CSMD1: variants seen among roughly 807,000 people sequenced by gnomAD.
CSMD1 encodes the protein CUB and sushi domain-containing protein 1.
A neutral mutation model predicts 417.5 loss-of-function variants in CSMD1; 213 were observed. The ratio of observed to expected loss-of-function variants is 0.51; its 90% CI spans 0.46 to 0.57. The LOEUF (loss-of-function observed/expected upper bound fraction) is 0.57. CSMD1 is among the 20% of genes least tolerant of loss of function. The pLI is 0.00. For synonymous variants in CSMD1, 2,862 were observed against 1,736.8 expected (o/e 1.65, Z -16.11); for missense variants, 6,923 against 4,529.7 (o/e 1.53, Z -15.17).
intron 2 of CSMD1, among the ~76,000 whole-genome samples, chr8:4,460,048 C>G (rs1799715706): frequency 1.3e-5 from 2 of 152,118 alleles, no homozygotes; most frequent in South Asian, 2.1e-4. Context: ...AACATTCCAG[C>G]CAATAACAGA....
intron 1 of CSMD1, among the ~76,000 whole-genome samples, chr8:4,936,128 C>G (rs1003745372): frequency 6.6e-6 from 1 of 152,148 alleles, no homozygotes; most frequent in Non-Finnish European, 1.5e-5. Flanking sequence ...GGTTTCTGTC[C>G]TGTTCCACAT....
intron 1 of CSMD1, among the ~76,000 whole-genome samples, chr8:4,812,352 G>A (rs1003369505): frequency 6.6e-6 from 1 of 152,136 alleles, no homozygotes; most frequent in Non-Finnish European, 1.5e-5. Flanking sequence ...AGTCTTTTTG[G>A]TACAAACATT....
intron 12 of CSMD1, among the ~76,000 whole-genome samples, chr8:3,423,799 A>G (rs927745347): frequency 6.6e-6 from 1 of 152,208 alleles, no homozygotes; most frequent in African/African-American, 2.4e-5. Context: ...TTTTTGGTGA[A>G]TGGGTACTCC....
chr8:3,531,802 C>G (rs1252909320), intron 10 of CSMD1, among the ~76,000 whole-genome samples: 1 of 152,216 alleles, frequency 6.6e-6, no homozygotes, highest in African/African-American at 2.4e-5. Flanking sequence ...AAGCTAGAAG[C>G]TTACACAGGG....
chr8:4,843,012 C>T (rs183916374), intron 1 of CSMD1, among the ~76,000 whole-genome samples: 2 of 152,240 alleles, frequency 1.3e-5, no homozygotes, highest in African/African-American at 4.8e-5. Flanking sequence ...CATGCTACTC[C>T]AGGACTCTAA....
At chr8:3,930,205 T>A (rs1460492309) in intron 5 of CSMD1, among the ~76,000 whole-genome samples, 1 of 150,160 alleles carries the variant, frequency 6.7e-6, no homozygotes, top group Admixed American at 6.6e-5. Context: ...AGATGATGAT[T>A]CTATACGTGA....
intron 3 of CSMD1, among the ~76,000 whole-genome samples, chr8:4,252,639 A>T (rs1803156872): frequency 6.6e-6 from 1 of 152,246 alleles, no homozygotes; most frequent in South Asian, 2.1e-4. Flanking sequence ...TCCAGAAGTA[A>T]CACCCAGTTT....
chr8:3,778,067 G>A (rs377341478), intron 5 of CSMD1, among the ~76,000 whole-genome samples: 1 of 152,044 alleles, frequency 6.6e-6, no homozygotes, highest in Non-Finnish European at 1.5e-5. Context: ...CGTCCCTCCA[G>A]GGGAAACTGG....
At chr8:3,854,791 T>A (rs1421279001) in intron 5 of CSMD1, among the ~76,000 whole-genome samples, 1 of 152,006 alleles carries the variant, frequency 6.6e-6, no homozygotes, top group East Asian at 1.9e-4. Flanking sequence ...TGATCAAAAT[T>A]CATATCGAGC....
intron 2 of CSMD1, among the ~76,000 whole-genome samples, chr8:4,605,509 C>T (rs77238883): frequency 0.078 from 11,876 of 152,086 alleles, 598 homozygotes; most frequent in East Asian, 0.15. Context: ...ACCTAATTGA[C>T]CAGGAAACAG....
At chr8:4,635,353 T>C (rs1285719222) in intron 2 of CSMD1, among the ~76,000 whole-genome samples, 1 of 152,138 alleles carries the variant, frequency 6.6e-6, no homozygotes, top group East Asian at 1.9e-4. Flanking sequence ...TGTTATAATA[T>C]TGAAGATGGT....
intron 1 of CSMD1, among the ~76,000 whole-genome samples, chr8:4,828,491 G>C (rs1207907369): frequency 6.6e-6 from 1 of 152,042 alleles, no homozygotes; most frequent in African/African-American, 2.4e-5. Context: ...TGAGTGTCTT[G>C]GGGTAAGATC....
intron 26 of CSMD1, among the ~76,000 whole-genome samples, chr8:3,258,880 G>C (rs1260265704): frequency 6.6e-6 from 1 of 152,140 alleles, no homozygotes; most frequent in Non-Finnish European, 1.5e-5. Flanking sequence ...TTATAACTGG[G>C]AGCTAAACGA....
intron 10 of CSMD1, among the ~76,000 whole-genome samples, chr8:3,566,760 T>A (rs1298037911): frequency 6.6e-6 from 1 of 152,160 alleles, no homozygotes; most frequent in Non-Finnish European, 1.5e-5. Context: ...ATGGCTATTA[T>A]TAAAAAGTCA....
At chr8:4,074,315 A>G (rs919774229) in intron 3 of CSMD1, among the ~76,000 whole-genome samples, 1 of 152,122 alleles carries the variant, frequency 6.6e-6, no homozygotes, top group Non-Finnish European at 1.5e-5. Flanking sequence ...AATAAAAACT[A>G]TAGATTAACA....
In CSMD1 at chr8:4,134,821, TTGGCC is replaced by T. The variant is rs1803320187; in HGVS notation, c.416-102727_416-102723del. Reference sequence around the variant, plus strand: ...ATTTATTTTAACACAAATTTTGTCCTTGGCCTTGGCTGTTGAAAATCGTTTGATAG... The same window carrying T: ...ATTTATTTTAACACAAATTTTGTCCTTTGGCTGTTGAAAATCGTTTGATAG... On this transcript the variant is annotated intron_variant, in intron 3 of 69. Coordinates refer to ENST00000635120, the MANE Select transcript of CSMD1 (RefSeq NM_033225.6). Among the ~76,000 whole-genome samples, 3 of 152,334 alleles carry T rather than the reference TTGGCC, an allele frequency of 2.0e-5. No homozygotes were observed. The South Asian group carries it at 6.2e-4, about 32-fold the overall frequency.
At chr8:4,925,618 C>T (rs1806808448) in intron 1 of CSMD1, among the ~76,000 whole-genome samples, 1 of 151,374 alleles carries the variant, frequency 6.6e-6, no homozygotes, top group South Asian at 2.1e-4. Flanking sequence ...GCAGTCTCGG[C>T]TCACTGCAAG....
rs143082225 is a variant in CSMD1 at position 4,209,533 on chromosome 8, G to A, written c.416-177434C>T. 3.0e-4 allele frequency among the ~76,000 whole-genome samples: 46 copies of A among 152,262 alleles called. No individual in the cohort carries two copies. The East Asian group carries it at 6.8e-3, about 22-fold the overall frequency. On this transcript the variant is annotated intron_variant, in intron 3 of 69. Transcript: ENST00000635120. ...CTCCTCTCTGGGAAACAGGAGCCGCGTGAGATTCCTTGCTGCCATGCTGCC... is the reference window on the plus strand; with the variant it reads ...CTCCTCTCTGGGAAACAGGAGCCGCATGAGATTCCTTGCTGCCATGCTGCC...
chr8:4,090,818 G>A (rs537935220), intron 3 of CSMD1, among the ~76,000 whole-genome samples: 7 of 152,180 alleles, frequency 4.6e-5, no homozygotes, highest in African/African-American at 1.7e-4. Flanking sequence ...TATTCTTTAA[G>A]TCGAATGAAA....
Sources: gnomAD v4.1 joint callset for allele counts (sites outside exome capture counted in the v4.1 genomes callset) on GRCh38, gnomAD v4.1.1 for gene constraint, MANE v1.5 for transcripts, NCBI Gene and HGNC (gene_info 2026-07-23, HGNC 2026-07-21) for gene names.